The following DMD variants were observed in gnomAD, a reference collection of about 807,000 sequenced individuals.
DMD encodes dystrophin, also known as mutant dystrophin.
Under a neutral mutation model 330.1 loss-of-function variants are expected in DMD, and 63 were observed. That is an observed-to-expected ratio of 0.19 (90% confidence interval 0.16 to 0.24). The LOEUF is 0.24. Ranked by LOEUF, DMD falls within the 10% of genes least tolerant of loss-of-function variation. The pLI, the probability that DMD is intolerant of heterozygous loss-of-function variation, is 1.00. For synonymous variants in DMD, 1,223 were observed against 959.8 expected (o/e 1.27, Z -5.07); for missense variants, 3,344 against 2,684.1 (o/e 1.25, Z -5.43).
At chrX:32,166,759 C>G (rs745824978) in intron 44 of DMD, among the ~76,000 whole-genome samples, 1 of 111,212 alleles carries the variant, frequency 9.0e-6, no homozygotes, top group Non-Finnish European at 1.9e-5. Context: ...TGCAGATTGG[C>G]TTAATAGGAA....
chrX:31,508,385 CAATAAT>C, intron 55 of DMD: 1 of 579,109 alleles, frequency 1.7e-6, no homozygotes, highest in South Asian at 3.5e-5. Flanking sequence ...CCTCACCAGT[CAATAAT>C]AATAAACGGC....
intron 77 of DMD, 90 bp from the exon 78 acceptor site, chrX:31,126,763 T>TGG: frequency 3.0e-6 from 2 of 661,934 alleles, no homozygotes; most frequent in Non-Finnish European, 4.8e-6. Flanking sequence ...TTTGCTTCTT[T>TGG]TACCAAACAA....
chrX:33,170,188 C>T (rs148138918), intron 1 of DMD, among the ~76,000 whole-genome samples: 4 of 110,979 alleles, frequency 3.6e-5, no homozygotes, highest in East Asian at 2.8e-4. Context: ...TCCATGAAGA[C>T]GAGGGCTTTG....
At chrX:31,859,000 A>C (rs188949395) in intron 48 of DMD, among the ~76,000 whole-genome samples, 321 of 112,096 alleles carry the variant, frequency 2.9e-3, no homozygotes, top group Admixed American at 7.4e-3. Context: ...CTTCAGCAGT[A>C]ACTCAGAGAT....
chrX:33,211,594 C>T (rs2051920748), upstream of DMD: 2 of 986,924 alleles, frequency 2.0e-6, no homozygotes, highest in East Asian at 4.4e-5. Context: ...ATTCCAGGAC[C>T]TGCGCACAAG....
intron 29 of DMD, among the ~76,000 whole-genome samples, chrX:32,427,553 T>A (rs1051694034): frequency 2.7e-5 from 3 of 110,919 alleles, no homozygotes; most frequent in African/African-American, 9.8e-5. Flanking sequence ...TCAGAACTTT[T>A]CCTTATTAAT....
intron 12 of DMD, among the ~76,000 whole-genome samples, chrX:32,606,746 C>T (rs868365938): frequency 9.9e-6 from 1 of 100,735 alleles, no homozygotes. Context: ...TATATATACA[C>T]ACACACATAC....
Position 32,585,699 on chromosome X carries a change from C to CAAA in DMD, c.1602+10055_1602+10057dup, listed in dbSNP as rs61394183. Among the ~76,000 whole-genome samples, 211 of 31,925 alleles carry CAAA rather than the reference C, an allele frequency of 6.6e-3. 23 individuals carry two copies. The highest frequency in any genetic ancestry group is 0.02 in the Admixed American group (29 of 1,487). 27.7% of individuals were successfully genotyped at this position (31,925 alleles called of 115,157 possible). A position where few individuals can be genotyped will look rare whatever the true frequency, so the allele number is the denominator to read the frequency against. ...TGGGTGACAGAGCAGGACTCCGTCT[C>CAAA]AAAAAAAAAAAAAAAAAAAAAAAAA... On this transcript the variant is annotated intron_variant, in intron 13 of 78. Coordinates refer to ENST00000357033, the MANE Select transcript of DMD (RefSeq NM_004006.3).
chrX:33,031,139 C>A (rs1037323348), intron 1 of DMD, among the ~76,000 whole-genome samples: 5 of 110,859 alleles, frequency 4.5e-5, no homozygotes, highest in Admixed American at 2.9e-4. Context: ...AGATTCCTCA[C>A]CACAAGCATC....
intron 1 of DMD, among the ~76,000 whole-genome samples, chrX:33,242,509 GTTGGTTCCACGATT>G (rs1237361482): frequency 8.9e-6 from 1 of 111,957 alleles, no homozygotes; most frequent in African/African-American, 3.2e-5. Context: ...GGGCCTTTGG[GTTGGTTCCACGATT>G]TTGCAATTGC....
chrX:33,317,753 C>A (rs1904635592), intron 1 of DMD, among the ~76,000 whole-genome samples: 1 of 111,314 alleles, frequency 9.0e-6, no homozygotes, highest in African/African-American at 3.3e-5. Context: ...TAATAGAGCC[C>A]ACTGTCTCAA....
chrX:32,719,902 T>C (rs2066098779), intron 7 of DMD, among the ~76,000 whole-genome samples: 1 of 110,280 alleles, frequency 9.1e-6, no homozygotes, highest in South Asian at 3.8e-4. Context: ...TACGTTGTTA[T>C]CCCAGCTTGC....
chrX:32,736,525 A>C (rs1278872502), intron 7 of DMD, among the ~76,000 whole-genome samples: 6 of 110,856 alleles, frequency 5.4e-5, no homozygotes, highest in Non-Finnish European at 9.4e-5. Context: ...CCAAATGTCC[A>C]ACAATGATAG....
chrX:33,082,890 G>A lies in DMD; in HGVS notation c.32-62690C>T, dbSNP rs147617484. On this transcript the variant is annotated intron_variant, in intron 1 of 78. Transcript: ENST00000357033. ...GGTGTCCTAACCCACGTTCTATCAC[G>A]TGATATCCCTCTCTCCATTACATAA... Among the ~76,000 whole-genome samples, 466 of 112,286 alleles carry A rather than the reference G, an allele frequency of 4.2e-3. 1 individual carries two copies. The highest frequency in any genetic ancestry group is 0.015 in the African/African-American group (452 of 30,902).
intron 16 of DMD, among the ~76,000 whole-genome samples, chrX:32,555,288 G>A (rs1167038168): frequency 9.0e-6 from 1 of 110,940 alleles, no homozygotes; most frequent in African/African-American, 3.3e-5. Flanking sequence ...ACTAGGTATC[G>A]AAGGAACATA....
intron 1 of DMD, among the ~76,000 whole-genome samples, chrX:33,114,108 T>C (rs1017193432): frequency 9.4e-6 from 1 of 106,231 alleles, no homozygotes; most frequent in African/African-American, 3.6e-5. Context: ...GCAATATTAT[T>C]ATTATTTTTT....
chrX:31,517,366 CAAA>C (rs1387674916), intron 55 of DMD, among the ~76,000 whole-genome samples: 1 of 111,115 alleles, frequency 9.0e-6, no homozygotes, highest in African/African-American at 3.3e-5. Context: ...TGAGGCCGTT[CAAA>C]AGAAAACGAA....
chrX:32,353,274 A>G (rs1055268303), intron 37 of DMD, among the ~76,000 whole-genome samples: 3 of 111,553 alleles, frequency 2.7e-5, no homozygotes, highest in Admixed American at 1.9e-4. Context: ...CCACCCAATT[A>G]AAATTCTACA....
intron 9 of DMD, among the ~76,000 whole-genome samples, chrX:32,667,198 C>A (rs190203864): frequency 4.4e-4 from 49 of 111,324 alleles, no homozygotes; most frequent in African/African-American, 1.5e-3. Flanking sequence ...ACTCCTCATG[C>A]GTAGAAATCA....
Sources: allele counts gnomAD v4.1 joint callset (sites outside exome capture counted in the v4.1 genomes callset), GRCh38; gene constraint gnomAD v4.1.1; transcripts MANE v1.5; gene names NCBI Gene and HGNC (gene_info 2026-07-23, HGNC 2026-07-21).